Variants in NLRC5 observed in about 807,000 individuals in gnomAD.
NLRC5 encodes NLR family CARD domain containing 5.
NLRC5 carries 114 observed loss-of-function variants against 206.9 expected under a neutral mutation model. The ratio of observed to expected loss-of-function variants is 0.55; its 90% CI spans 0.47 to 0.64. The LOEUF is 0.64. NLRC5 is among the 30% of genes least tolerant of loss of function. NLRC5 has a pLI of 0.00. For missense variants in NLRC5, 2,008 were observed against 2,305.5 expected (o/e 0.87, Z 2.64); for synonymous variants, 952 against 962.8 (o/e 0.99, Z 0.21).
chr16:56,999,441 A>T (rs1472541176), intron 1 of NLRC5, among the ~76,000 whole-genome samples: 1 of 152,254 alleles, frequency 6.6e-6, no homozygotes, highest in Non-Finnish European at 1.5e-5. Context: ...CCCTGGATCC[A>T]GGCCTTCTCT....
intron 6 of NLRC5, among the ~76,000 whole-genome samples, chr16:57,027,385 G>A (rs2061362565): frequency 6.6e-6 from 1 of 152,216 alleles, no homozygotes. Flanking sequence ...CAACTCATAT[G>A]GTCATTGCAA....
At chr16:57,010,237 T>C (rs560946110) in intron 1 of NLRC5, among the ~76,000 whole-genome samples, 1 of 152,230 alleles carries the variant, frequency 6.6e-6, no homozygotes, top group Non-Finnish European at 1.5e-5. Flanking sequence ...ACTTGGCAAG[T>C]AGCAAATATT....
At chr16:57,058,637 C>A in intron 28 of NLRC5, 2 of 372,098 alleles carry the variant, frequency 5.4e-6, no homozygotes, top group Non-Finnish European at 1.0e-5. Flanking sequence ...TCCAGGACAC[C>A]ACTTGTTGCT....
At chr16:57,061,823 A>G (rs1360020368) in intron 32 of NLRC5, 122 bp downstream of exon 32, 1 of 1,536,760 alleles carries the variant, frequency 6.5e-7, no homozygotes, top group African/African-American at 1.4e-5. Flanking sequence ...CAACCCTGCC[A>G]TCTGGACCCT....
intron 43 of NLRC5, among the ~76,000 whole-genome samples, chr16:57,078,244 G>A (rs2068661639): frequency 6.6e-6 from 1 of 152,166 alleles, no homozygotes; most frequent in Non-Finnish European, 1.5e-5. Context: ...CCTGACCTTG[G>A]CCAAACCCCT....
At chr16:57,036,032 G>T in intron 13 of NLRC5, 68 bp from the exon 14 acceptor site, 2 of 1,415,046 alleles carry the variant, frequency 1.4e-6, no homozygotes, top group Non-Finnish European at 2.0e-6. Context: ...AGCAAAGGAG[G>T]AGTAAGTGAT....
At chr16:57,076,002 C>T in intron 39 of NLRC5, 1 of 176,456 alleles carries the variant, frequency 5.7e-6, no homozygotes, top group South Asian at 8.1e-5. Flanking sequence ...CAACCTCTGC[C>T]TCCTGGGTTC....
intron 41 of NLRC5, 94 bp from the exon 42 acceptor site, chr16:57,077,625 G>GC: frequency 1.6e-6 from 2 of 1,258,526 alleles, no homozygotes; most frequent in South Asian, 1.4e-5. Context: ...TGTCTCTTAG[G>GC]CCCCCTGAAG....
chr16:57,013,426 G>A (rs534601328), intron 1 of NLRC5: 80 of 653,466 alleles, frequency 1.2e-4, no homozygotes, highest in African/African-American at 1.2e-3. Context: ...TTTCTGATAA[G>A]TTCCAAAGTG....
chr16:57,076,376 A>G lies in NLRC5; in HGVS notation c.4752-443A>G, dbSNP rs189399444. Among the ~76,000 whole-genome samples, 610 of 152,386 alleles carry G rather than the reference A, an allele frequency of 4.0e-3. 5 individuals carry two copies. Among genetic ancestry groups the G allele is most frequent in the African/African-American group, 0.014 (578 of 41,592 alleles). ...AAGACAATACCCTGGGTTTAAGGAA[A>G]AACCTACCATTTGCATGGATGAGAA... On this transcript the variant is annotated intron_variant, in intron 39 of 48. Coordinates refer to ENST00000688547, the MANE Select transcript of NLRC5 (RefSeq NM_001384950.1).
intron 20 of NLRC5, among the ~76,000 whole-genome samples, chr16:57,044,108 G>A (rs1004848426): frequency 4.0e-5 from 6 of 150,534 alleles, no homozygotes; most frequent in African/African-American, 1.5e-4. Flanking sequence ...AGAACAGCCT[G>A]GCCAACAGGG....
intron 13 of NLRC5, 24 bp downstream of exon 13, chr16:57,034,275 C>T (rs770061770): frequency 1.3e-5 from 20 of 1,498,744 alleles, no homozygotes; most frequent in Admixed American, 8.9e-5. Flanking sequence ...GAAGCCCTGG[C>T]GTAGGAGCCA....
At position 57,026,573 on chromosome 16, in the gene NLRC5, C is replaced by A; in HGVS notation, c.1630C>A (p.His544Asn). Residue 544 changes from histidine to asparagine, a missense_variant, in exon 6 of 49, where the codon CAT (histidine) becomes AAT (asparagine). His to Asn is a moderately conservative substitution (Grantham distance 68, BLOSUM62 1). Transcript: ENST00000688547. ...KDTLTQYVTL[H>N]SRWVQRTKAR... ...CACACTTACCCAGTATGTTACCCTC[C>A]ATTCCCGCTGGGTACAGCGGACCAA... is the stretch of plus-strand genomic sequence containing the variant. The A allele has an allele frequency of 6.2e-7, 1 of 1,614,246 alleles. No individual in the cohort carries two copies. Among genetic ancestry groups the A allele is most frequent in the Non-Finnish European group, 8.5e-7 (1 of 1,180,052 alleles).
intron 19 of NLRC5, among the ~76,000 whole-genome samples, chr16:57,043,186 C>G (rs2063502452): frequency 6.6e-6 from 1 of 152,120 alleles, no homozygotes; most frequent in Admixed American, 6.5e-5. Flanking sequence ...TGGGTACCAC[C>G]CCTCCCTTAT....
rs1432897214 is a variant in NLRC5 at position 57,077,976 on chromosome 16, C to A, written c.5037C>A (p.Ala1679=). 3 of 1,612,084 alleles carry A rather than the reference C, an allele frequency of 1.9e-6. No homozygotes were observed. The African/African-American group carries it at 4.0e-5, about 22-fold the overall frequency. Residue 1679 remains alanine (A), a synonymous_variant, in exon 43 of 49, where the codon GCC becomes GCA. Coordinates refer to ENST00000688547, the MANE Select transcript of NLRC5 (RefSeq NM_001384950.1). The part of the protein sequence containing the change: ...LGCNALGDPT[A]LGLAQELPQH... ...GCAATGCCCTGGGGGATCCCACAGC[C>A]CTGGGGCTGGCTCAGGAGCTGCCCC...
intron 38 of NLRC5, among the ~76,000 whole-genome samples, chr16:57,073,456 A>G (rs761001474): frequency 2.0e-5 from 3 of 151,756 alleles, no homozygotes; most frequent in South Asian, 2.1e-4. Context: ...CCTGGGTTCA[A>G]CTCTGGGTGG....
intron 46 of NLRC5, among the ~76,000 whole-genome samples, chr16:57,080,311 C>T (rs2068964414): frequency 6.6e-6 from 1 of 152,102 alleles, no homozygotes; most frequent in Non-Finnish European, 1.5e-5. Context: ...ACACTGGATT[C>T]TCCCTTTTTA....
Position 57,079,590 on chromosome 16 carries a change from C to G in NLRC5, c.5282C>G (p.Thr1761Ser). 5.0e-6 allele frequency: 8 copies of G among 1,614,088 alleles called. No homozygotes were observed. Among genetic ancestry groups the G allele is most frequent in the Non-Finnish European group, 6.8e-6 (8 of 1,180,002 alleles). The change falls in exon 46 of 49, where the codon ACC becomes AGC. Residue 1761 changes from threonine (T) to serine (S), a missense_variant. Physicochemically the swap from Thr to Ser is moderately conservative, Grantham distance 58 (BLOSUM62 1). Transcript: ENST00000688547. ...KIDNQTAKLL[T>S]SSFTSCPALE... is the part of the protein sequence containing the mutation. ...GACAACCAGACTGCCAAGCTCCTCA[C>G]CTCCAGCTTCACGAGCTGCCCTGCC...
chr16:57,014,511 C>T lies in NLRC5; in HGVS notation c.-127-2563C>T, dbSNP rs56187862. Among the ~76,000 whole-genome samples the T allele has an allele frequency of 1.2e-3, 182 of 152,264 alleles. 1 individual carries two copies. Among genetic ancestry groups the T allele is most frequent in the Non-Finnish European group, 2.2e-3 (152 of 68,022 alleles). On this transcript the variant is annotated intron_variant, in intron 1 of 48. Transcript: ENST00000688547. ...AGATTAGACTTAAAAGTAACTTCAG[C>T]GGTTTTATTATGAAATATTTAAGGC...
Sources: allele counts gnomAD v4.1 joint callset (sites outside exome capture counted in the v4.1 genomes callset), GRCh38; gene constraint gnomAD v4.1.1; transcripts MANE v1.5; gene names NCBI Gene and HGNC (gene_info 2026-07-23, HGNC 2026-07-21).